CGN: variants seen among roughly 807,000 people sequenced by gnomAD.
CGN encodes the protein cingulin.
CGN carries 121 observed loss-of-function variants against 157.1 expected under a neutral mutation model. The ratio of observed to expected loss-of-function variants is 0.77; its 90% CI spans 0.66 to 0.90. The LOEUF (loss-of-function observed/expected upper bound fraction) is 0.90. CGN is among the 40% of genes least tolerant of loss of function. The pLI, the probability that CGN is intolerant of heterozygous loss-of-function variation, is 0.00. For missense variants in CGN, 1,424 were observed against 1,520.9 expected (o/e 0.94, Z 1.06); for synonymous variants, 535 against 607.5 (o/e 0.88, Z 1.76).
At chr1:151,530,904 G>A (rs1468009544) in intron 13 of CGN, among the ~76,000 whole-genome samples, 158 bp downstream of exon 13, 1 of 152,096 alleles carries the variant, frequency 6.6e-6, no homozygotes, top group Non-Finnish European at 1.5e-5. Flanking sequence ...ACTTTGAGAG[G>A]CTGAGGTAGG....
rs775074636 is a variant in CGN at position 151,532,562 on chromosome 1, T to C, written c.2732T>C (p.Leu911Pro). The C allele has an allele frequency of 6.5e-6, 10 of 1,537,618 alleles. No homozygotes were observed. Among genetic ancestry groups the C allele is most frequent in the Non-Finnish European group, 8.7e-6 (10 of 1,147,880 alleles). Residue 911 changes from leucine (L) to proline (P), a missense_variant, in exon 14 of 21, where the codon CTT (leucine) becomes CCT (proline). This residue lies in a region of CGN where 1,187 missense variants were observed against 1,217.6 expected (regional missense o/e 0.97). Transcript: ENST00000271636. ...AAGACCTCTGGAGGACTGAGCCGAC[T>C]TCAGGATGAGGTAGAAGTCTAATAT... ...AEKTSGGLSR[L>P]QDEIQRLRQA...
chr1:151,528,276 C>T (rs371740341), intron 10 of CGN, among the ~76,000 whole-genome samples: 16 of 151,802 alleles, frequency 1.1e-4, no homozygotes, highest in South Asian at 4.1e-4. Flanking sequence ...CGTGAGCCAC[C>T]GCACCCAGCC....
rs5777776 is a variant in CGN, at chr1:151,537,490, TA to T, written c.*156del. 2,279 of 428,072 alleles carry T rather than the reference TA, an allele frequency of 5.3e-3. 4 individuals are homozygous for T. Among genetic ancestry groups the T allele is most frequent in the South Asian group, 0.016 (369 of 23,738 alleles). The allele number at this position is 428,072 out of a possible 1,614,324, so 26.5% of individuals were successfully genotyped here. A position where few individuals can be genotyped will look rare whatever the true frequency, so the allele number is the denominator to read the frequency against. ...CAGGGAGGGGTCAGAGTGATGGTGA[TA>T]AAAAAAAAAAATCATCAGCAATAAG... On this transcript the variant is annotated 3_prime_UTR_variant, in exon 21 of 21. Coordinates refer to ENST00000271636, the MANE Select transcript of CGN (RefSeq NM_020770.3).
chr1:151,520,875 C>G (rs375279246), intron 5 of CGN, among the ~76,000 whole-genome samples, 184 bp downstream of exon 5: 2 of 152,178 alleles, frequency 1.3e-5, no homozygotes, highest in Non-Finnish European at 2.9e-5. Flanking sequence ...GTTAGGGAGG[C>G]AGAGCACATT....
intron 20 of CGN, 59 bp downstream of exon 20, chr1:151,536,952 C>T (rs1317312302): frequency 1.3e-6 from 2 of 1,549,288 alleles, no homozygotes; most frequent in Non-Finnish European, 1.8e-6. Flanking sequence ...AGGGAATGGT[C>T]TCTCCTGTGC....
Position 151,530,457 on chromosome 1 carries a change from T to C in CGN, c.2314-32T>C, listed in dbSNP as rs1664807376. ...TGACTTGAACCCAAGTTTTACCTTT[T>C]CTCAGTCCAACCCTGCTTCCCTACC... On this transcript the variant is annotated intron_variant, in intron 12 of 20. Transcript: ENST00000271636. 4.0e-6 allele frequency: 6 copies of C among 1,518,246 alleles called. No homozygotes were observed. In the Admixed American group the frequency reaches 1.3e-4, roughly 34 times the overall value. The allele number at this position is 1,518,246 out of a possible 1,614,324, so 94.0% of individuals were successfully genotyped here. A position where few individuals can be genotyped will look rare whatever the true frequency, so the allele number is the denominator to read the frequency against.
intron 16 of CGN, 44 bp from the exon 17 acceptor site, chr1:151,535,556 C>A (rs1260722505): frequency 6.7e-7 from 1 of 1,490,022 alleles, no homozygotes; most frequent in Non-Finnish European, 9.4e-7. Context: ...GCTGGTTCAT[C>A]CTTAGCCCTC....
chr1:151,525,634 T>C lies in CGN; in HGVS notation c.1615-8T>C. ...AGCCTTCTGGTGTCCAACTCTCCCC[T>C]TCTCTAGGACCATGCAGTGCTGGAG... On this transcript the variant is annotated splice_polypyrimidine_tract_variant and splice_region_variant and intron_variant, in intron 8 of 20. Transcript: ENST00000271636. 1.3e-6 allele frequency: 2 copies of C among 1,560,322 alleles called. No individual in the cohort carries two copies. The highest frequency in any genetic ancestry group is 1.7e-6 in the Non-Finnish European group (2 of 1,157,390).
At chr1:151,523,641 G>T (rs1158129100) in intron 6 of CGN, 80 bp downstream of exon 6, 1 of 1,368,460 alleles carries the variant, frequency 7.3e-7, no homozygotes, top group South Asian at 1.5e-5. Flanking sequence ...TTGCCCCTAG[G>T]GTTGAAGGAG....
Position 151,534,041 on chromosome 1 carries a change from G to A in CGN, c.2809G>A (p.Glu937Lys). ...AERDTARLDK[E>K]LLAQRLQGLE... Reference sequence around the variant, plus strand: ...GCGGGACACAGCCCGGCTGGACAAAGAGCTACTGGCCCAGCGACTGCAGGG... The same window carrying A: ...GCGGGACACAGCCCGGCTGGACAAAAAGCTACTGGCCCAGCGACTGCAGGG... The change falls in exon 15 of 21, where the codon GAG becomes AAG. Residue 937 changes from glutamate (E) to lysine (K), a missense_variant. By Grantham distance (56) the Glu-to-Lys change is moderately conservative. Transcript: ENST00000271636. 6.2e-7 allele frequency: 1 copy of A among 1,613,738 alleles called. No homozygotes were observed.
chr1:151,527,362 C>T lies in CGN; in HGVS notation c.1896+255C>T, dbSNP rs531090849. On this transcript the variant is annotated intron_variant, in intron 10 of 20. Coordinates refer to ENST00000271636, the MANE Select transcript of CGN (RefSeq NM_020770.3). ...AGGCTGCTGGCCGACTCCCAAGAGA[C>T]GTCATGGGTAGCAGCATTTAGGTGG... 2.2e-4 allele frequency among the ~76,000 whole-genome samples: 33 copies of T among 152,240 alleles called. 1 individual carries two copies. In the South Asian group the frequency reaches 2.9e-3, roughly 13 times the overall value.
intron 19 of CGN, 144 bp from the exon 20 acceptor site, chr1:151,536,586 A>G: frequency 1.4e-6 from 1 of 733,660 alleles, no homozygotes. Context: ...TTTAATCCCT[A>G]AGACAACCAT....
intron 10 of CGN, among the ~76,000 whole-genome samples, chr1:151,528,622 G>A (rs1664755748): frequency 6.6e-6 from 1 of 152,020 alleles, no homozygotes; most frequent in East Asian, 1.9e-4. Context: ...TCACCATGTT[G>A]TCCAGGCTGG....
At chr1:151,517,756 C>T (rs1664445902) in intron 1 of CGN, among the ~76,000 whole-genome samples, 1 of 152,114 alleles carries the variant, frequency 6.6e-6, no homozygotes, top group Admixed American at 6.6e-5. Context: ...AGGTGATCCA[C>T]CTGCCTCAGC....
chr1:151,535,330 G>A (rs896524311), intron 16 of CGN, among the ~76,000 whole-genome samples, 199 bp downstream of exon 16: 2 of 152,166 alleles, frequency 1.3e-5, no homozygotes, highest in African/African-American at 4.8e-5. Context: ...TTTGCATGGA[G>A]GAAGGGATCC....
intron 1 of CGN, among the ~76,000 whole-genome samples, chr1:151,516,985 C>A (rs963195811): frequency 6.6e-6 from 1 of 151,568 alleles, no homozygotes; most frequent in African/African-American, 2.4e-5. Flanking sequence ...TATGGTGAAA[C>A]CCCATCTCTA....
Position 151,530,750 on chromosome 1 carries a change from G to T in CGN, c.2571+4G>T. The T allele has an allele frequency of 5.8e-6, 9 of 1,551,174 alleles. No homozygotes were observed. In the South Asian group the frequency reaches 8.3e-5, roughly 14 times the overall value. On this transcript the variant is annotated splice_donor_region_variant and intron_variant, in intron 13 of 20. Coordinates refer to ENST00000271636, the MANE Select transcript of CGN (RefSeq NM_020770.3). ...TGTGGACCGACTGAACAAGGAGGTG[G>T]GGCATGGGGTATTCTGGGCCTTTAG...
intron 1 of CGN, among the ~76,000 whole-genome samples, chr1:151,515,191 T>G (rs536077618): frequency 6.6e-6 from 1 of 152,098 alleles, no homozygotes; most frequent in Admixed American, 6.5e-5. Context: ...TTAGTAGACG[T>G]GGGGTTTCAC....
At position 151,537,590 on chromosome 1, in the gene CGN, T is replaced by C; in HGVS notation, c.*244T>C. On this transcript the variant is annotated 3_prime_UTR_variant, in exon 21 of 21. Transcript: ENST00000271636. Reference sequence around the variant, plus strand: ...AGCCTTTTCCTCAAGTGCCGACACCTCCCTCATCTCTCTTATAGTGGAAGG... The same window carrying C: ...AGCCTTTTCCTCAAGTGCCGACACCCCCCTCATCTCTCTTATAGTGGAAGG... 1 of 444,048 alleles carries C rather than the reference T, an allele frequency of 2.3e-6. No individual in the cohort carries two copies. Among genetic ancestry groups the C allele is most frequent in the South Asian group, 3.9e-5 (1 of 25,932 alleles). 27.5% of individuals were successfully genotyped at this position (444,048 alleles called of 1,614,324 possible).
Sources: gnomAD v4.1 joint callset for allele counts (sites outside exome capture counted in the v4.1 genomes callset) on GRCh38, gnomAD v4.1.1 for gene constraint, gnomAD v4.1.1 regional missense constraint, MANE v1.5 for transcripts, NCBI Gene and HGNC (gene_info 2026-07-23, HGNC 2026-07-21) for gene names.